The following DIAPH2 variants were observed in gnomAD, a reference collection of about 807,000 sequenced individuals.
DIAPH2 encodes the protein diaphanous related formin 2.
In DIAPH2, 35 loss-of-function variants were observed where a neutral mutation model predicts 92.7. The ratio of observed to expected loss-of-function variants is 0.38; its 90% CI spans 0.29 to 0.50. The LOEUF (loss-of-function observed/expected upper bound fraction) is 0.50, where lower values mean the gene tolerates loss of function less well. Among genes scored for constraint, DIAPH2 ranks in the 20% least tolerant of loss-of-function variants. The pLI is 0.94. For synonymous variants in DIAPH2, 301 were observed against 280.4 expected, an observed-to-expected ratio of 1.07 and a Z score of -0.73; for missense variants, 701 against 819.5, an observed-to-expected ratio of 0.86 and a Z score of 1.77.
chrX:97,170,108 A>T (rs908595197), intron 22 of DIAPH2, among the ~76,000 whole-genome samples: 1 of 111,808 alleles, frequency 8.9e-6, no homozygotes, highest in African/African-American at 3.3e-5. Context: ...TAATTTTCTT[A>T]TGTCCATGTT....
intron 23 of DIAPH2, among the ~76,000 whole-genome samples, chrX:97,257,469 G>A (rs766346591): frequency 6.3e-5 from 7 of 111,416 alleles, no homozygotes; most frequent in African/African-American, 9.8e-5. Flanking sequence ...CCTCTTTATC[G>A]TATCGAAAGC....
chrX:97,243,670 C>CT (rs913712162), intron 22 of DIAPH2, among the ~76,000 whole-genome samples: 50 of 111,172 alleles, frequency 4.5e-4, no homozygotes, highest in Non-Finnish European at 8.3e-4. Context: ...GTGCCCTTTA[C>CT]TTTTTTTTAC....
At chrX:97,534,634 A>G (rs182742217) in intron 26 of DIAPH2, among the ~76,000 whole-genome samples, 25 of 111,539 alleles carry the variant, frequency 2.2e-4, no homozygotes, top group Admixed American at 1.8e-3. Context: ...TAAATAGCTT[A>G]TTGTAGTGTT....
rs5967376 is a variant in DIAPH2 at position 96,928,975 on chromosome X, A to C, written c.979-1758A>C. Reference sequence around the variant, plus strand: ...GTATAAAGATACAATTGCAGGACTCATTAACTTGTTTCTTACAGAAATGTT... The same window carrying C: ...GTATAAAGATACAATTGCAGGACTCCTTAACTTGTTTCTTACAGAAATGTT... On this transcript the variant is annotated intron_variant, in intron 9 of 26. Coordinates refer to ENST00000324765, the MANE Select transcript of DIAPH2 (RefSeq NM_006729.5). 1.8e-3 allele frequency among the ~76,000 whole-genome samples: 197 copies of C among 111,732 alleles called. 3 individuals carry two copies. The Middle Eastern group carries it at 0.028, about 16-fold the overall frequency.
chrX:97,074,674 T>A (rs2066693231), intron 18 of DIAPH2, among the ~76,000 whole-genome samples: 1 of 112,083 alleles, frequency 8.9e-6, no homozygotes, highest in African/African-American at 3.2e-5. Context: ...AGCACACTGA[T>A]GATTTAGGCA....
chrX:96,858,134 T>A (rs180953763), intron 4 of DIAPH2, among the ~76,000 whole-genome samples: 1 of 112,309 alleles, frequency 8.9e-6, no homozygotes, highest in East Asian at 2.8e-4. Flanking sequence ...ATATATTACA[T>A]ATATTGACAA....
chrX:97,076,766 A>G (rs1212097831), intron 19 of DIAPH2, among the ~76,000 whole-genome samples: 1 of 110,950 alleles, frequency 9.0e-6, no homozygotes, highest in East Asian at 2.9e-4. Context: ...TAAAAATAGG[A>G]CTCAGGTGTA....
intron 23 of DIAPH2, among the ~76,000 whole-genome samples, chrX:97,297,321 C>T (rs772252272): frequency 1.8e-5 from 2 of 109,326 alleles, no homozygotes; most frequent in African/African-American, 3.3e-5. Context: ...AATTCTTGAT[C>T]GCAGAGTTGC....
At chrX:96,719,496 C>T (rs747699293) in intron 1 of DIAPH2, among the ~76,000 whole-genome samples, 7 of 112,311 alleles carry the variant, frequency 6.2e-5, no homozygotes, top group Non-Finnish European at 1.1e-4. Context: ...TTTCTTTCTT[C>T]TGCATATGGA....
At chrX:96,894,099 C>T (rs2065325980) in intron 5 of DIAPH2, among the ~76,000 whole-genome samples, 2 of 111,381 alleles carry the variant, frequency 1.8e-5, no homozygotes, top group South Asian at 3.8e-4. Flanking sequence ...GTTTTGGTGA[C>T]CTCTTATATG....
chrX:97,099,869 C>A, intron 20 of DIAPH2, 74 bp downstream of exon 20: 1 of 480,570 alleles, frequency 2.1e-6, no homozygotes, highest in Non-Finnish European at 3.2e-6. Context: ...AAAAGACAAA[C>A]ATTTCAGTTG....
chrX:96,943,864 T>C (rs115831680), intron 13 of DIAPH2, among the ~76,000 whole-genome samples: 3,862 of 111,133 alleles, frequency 0.035, 167 homozygotes, highest in African/African-American at 0.12. Flanking sequence ...CATAAACCCA[T>C]TGTGATGTTA....
In DIAPH2 at chrX:97,600,035, A is replaced by ACTT. The variant is rs1339747813; in HGVS notation, c.*719_*721dup. 8.9e-6 allele frequency: 1 copy of ACTT among 112,678 alleles called. No individual in the cohort carries two copies. The highest frequency in any genetic ancestry group is 1.9e-5 in the Non-Finnish European group (1 of 53,228). The allele number at this position is 112,678 out of a possible 1,213,427, so 9.3% of individuals were successfully genotyped here. On this transcript the variant is annotated 3_prime_UTR_variant, in exon 27 of 27. Transcript: ENST00000324765. Reference sequence around the variant, plus strand: ...GAATCAGTTAGGGAAAGTGATTTAAACTTTATTTAAAGAGGTATTTTCTAA... The same window carrying ACTT: ...GAATCAGTTAGGGAAAGTGATTTAAACTTCTTTATTTAAAGAGGTATTTTCTAA...
intron 21 of DIAPH2, among the ~76,000 whole-genome samples, chrX:97,115,306 C>T (rs970984885): frequency 4.5e-5 from 5 of 110,879 alleles, no homozygotes; most frequent in African/African-American, 1.3e-4. Flanking sequence ...GAGGCTGAGG[C>T]GGGTGGATAA....
chrX:97,536,210 C>T (rs2147853750), intron 26 of DIAPH2, among the ~76,000 whole-genome samples: 1 of 112,041 alleles, frequency 8.9e-6, no homozygotes, highest in Non-Finnish European at 1.9e-5. Flanking sequence ...TATGTAGCAT[C>T]TTATGGACAA....
intron 22 of DIAPH2, among the ~76,000 whole-genome samples, chrX:97,193,656 A>T (rs6620236): frequency 0.37 from 40,961 of 110,769 alleles, 5,665 homozygotes; most frequent in East Asian, 0.57. Context: ...GGTGAAGTTT[A>T]TGCTGACAAG....
At chrX:96,830,503 G>A (rs753731764) in intron 4 of DIAPH2, among the ~76,000 whole-genome samples, 5 of 100,896 alleles carry the variant, frequency 5.0e-5, no homozygotes, top group East Asian at 6.6e-4. Context: ...CCCAGGAGGC[G>A]GAGCTTGCAG....
At chrX:97,258,892 C>A (rs5921719) in intron 23 of DIAPH2, among the ~76,000 whole-genome samples, 2,723 of 73,930 alleles carry the variant, frequency 0.037, 90 homozygotes, top group African/African-American at 0.079. Context: ...AAAAAAAAAA[C>A]AACAACAACA....
intron 25 of DIAPH2, 119 bp downstream of exon 25, chrX:97,384,163 T>G (rs766973380): frequency 1.6e-6 from 1 of 633,443 alleles, no homozygotes; most frequent in East Asian, 3.6e-5. Flanking sequence ...TAGTTACTTG[T>G]GCTAAATTTC....
Sources: gnomAD v4.1 joint callset for allele counts (sites outside exome capture counted in the v4.1 genomes callset) on GRCh38, gnomAD v4.1.1 for gene constraint, MANE v1.5 for transcripts, NCBI Gene and HGNC (gene_info 2026-07-23, HGNC 2026-07-21) for gene names.